The following CLIP2 variants were observed in gnomAD, a reference collection of about 807,000 sequenced individuals.
CLIP2 encodes CAP-Gly domain-containing linker protein 2.
CLIP2 carries 41 observed loss-of-function variants against 111.7 expected under a neutral mutation model. The ratio of observed to expected loss-of-function variants is 0.37; its 90% confidence interval spans 0.29 to 0.48. CLIP2 has a LOEUF of 0.48. CLIP2 is among the 20% of genes least tolerant of loss of function. CLIP2 has a pLI of 0.99. For missense variants in CLIP2, 1,160 were observed against 1,422.1 expected (o/e 0.82, Z 2.96); for synonymous variants, 660 against 644.2 (o/e 1.02, Z -0.37).
chr7:74,387,283 C>G (rs1791138627), intron 12 of CLIP2, among the ~76,000 whole-genome samples: 1 of 152,100 alleles, frequency 6.6e-6, no homozygotes, highest in Admixed American at 6.6e-5. Flanking sequence ...GGGTTGCACT[C>G]TGTCACCTAG....
chr7:74,397,657 GTTTTTTTTGTT>G (rs1283602297), intron 14 of CLIP2, among the ~76,000 whole-genome samples: 1 of 113,454 alleles, frequency 8.8e-6, no homozygotes, highest in African/African-American at 3.7e-5. Flanking sequence ...GGGTGGCTGA[GTTTTTTTTGTT>G]TTTTTTTTTT....
At chr7:74,388,215 C>T (rs782266637) in intron 12 of CLIP2, among the ~76,000 whole-genome samples, 1 of 151,972 alleles carries the variant, frequency 6.6e-6, no homozygotes, top group Non-Finnish European at 1.5e-5. Context: ...ACCTGTAGTC[C>T]CAGCTACTCA....
chr7:74,320,665 T>A (rs1788924161), intron 2 of CLIP2, among the ~76,000 whole-genome samples: 1 of 151,966 alleles, frequency 6.6e-6, no homozygotes, highest in South Asian at 2.1e-4. Flanking sequence ...GTGAGGAGGC[T>A]GTGGTTATCC....
At chr7:74,381,351 G>C (rs1790941321) in intron 11 of CLIP2, among the ~76,000 whole-genome samples, 1 of 152,060 alleles carries the variant, frequency 6.6e-6, no homozygotes, top group African/African-American at 2.4e-5. Context: ...ACCATGCCCA[G>C]CTAATTTTTG....
At chr7:74,314,213 G>C (rs1314531815) in intron 1 of CLIP2, among the ~76,000 whole-genome samples, 1 of 150,408 alleles carries the variant, frequency 6.6e-6, no homozygotes, top group Non-Finnish European at 1.5e-5. Flanking sequence ...AAAAGGGACC[G>C]GGTGCGGTGG....
At chr7:74,347,425 C>T (rs530086286) in intron 3 of CLIP2, among the ~76,000 whole-genome samples, 11 of 152,116 alleles carry the variant, frequency 7.2e-5, no homozygotes, top group South Asian at 6.2e-4. Context: ...CCCGCCACCA[C>T]GCCTGGCTAA....
intron 2 of CLIP2, among the ~76,000 whole-genome samples, chr7:74,332,460 C>CTTTTTTTTT (rs386410474): frequency 6.3e-5 from 7 of 110,324 alleles, no homozygotes; most frequent in South Asian, 3.1e-4. Flanking sequence ...CTAGAATTCT[C>CTTTTTTTTT]TTTTTTTTTT....
intron 11 of CLIP2, among the ~76,000 whole-genome samples, chr7:74,381,430 G>A (rs975454603): frequency 6.6e-6 from 1 of 152,060 alleles, no homozygotes; most frequent in South Asian, 2.1e-4. Flanking sequence ...TGCGTGATCC[G>A]CCCGCCTTGG....
intron 4 of CLIP2, among the ~76,000 whole-genome samples, chr7:74,355,783 G>A (rs1382625892): frequency 1.3e-5 from 2 of 152,224 alleles, no homozygotes; most frequent in Admixed American, 1.3e-4. Context: ...ATTCAGGGGT[G>A]GGTTGGACAG....
chr7:74,346,620 G>A (rs1789802676), intron 3 of CLIP2, among the ~76,000 whole-genome samples: 1 of 151,742 alleles, frequency 6.6e-6, no homozygotes, highest in African/African-American at 2.4e-5. Flanking sequence ...CTCCTCAGGT[G>A]GCTGAGTCAG....
chr7:74,341,914 G>C (rs1287574636), intron 3 of CLIP2, among the ~76,000 whole-genome samples: 3 of 152,200 alleles, frequency 2.0e-5, no homozygotes, highest in African/African-American at 7.2e-5. Context: ...TCCCTACAGA[G>C]TCTGCCAAGT....
chr7:74,352,962 C>T (rs1790048448), intron 3 of CLIP2, among the ~76,000 whole-genome samples: 1 of 151,548 alleles, frequency 6.6e-6, no homozygotes, highest in Non-Finnish European at 1.5e-5. Flanking sequence ...GCCTGGGCAA[C>T]ATAGCAAGAT....
At chr7:74,394,451 T>C (rs1791390544) in intron 13 of CLIP2, among the ~76,000 whole-genome samples, 1 of 152,100 alleles carries the variant, frequency 6.6e-6, no homozygotes, top group South Asian at 2.1e-4. Flanking sequence ...GGTTTCTCCA[T>C]GTTGGTCAGG....
At chr7:74,292,847 C>T (rs191162783) in intron 1 of CLIP2, among the ~76,000 whole-genome samples, 9 of 152,324 alleles carry the variant, frequency 5.9e-5, no homozygotes, top group Admixed American at 4.6e-4. Flanking sequence ...ATGCTTCCTT[C>T]GGCCACACCA....
chr7:74,401,764 C>G, intron 16 of CLIP2, 197 bp downstream of exon 16: 1 of 713,514 alleles, frequency 1.4e-6, no homozygotes, highest in Non-Finnish European at 2.5e-6. Flanking sequence ...GTGTTTTCTT[C>G]CCTTCTTAAA....
intron 13 of CLIP2, among the ~76,000 whole-genome samples, chr7:74,394,541 C>A (rs1178339932): frequency 6.6e-6 from 1 of 152,210 alleles, no homozygotes; most frequent in Non-Finnish European, 1.5e-5. Flanking sequence ...TGGGCCACCG[C>A]CCCGGGCCCA....
intron 3 of CLIP2, among the ~76,000 whole-genome samples, chr7:74,340,961 C>T (rs1554305270): frequency 6.6e-6 from 1 of 152,072 alleles, no homozygotes; most frequent in East Asian, 1.9e-4. Context: ...ATCCCCAAAG[C>T]ATATTGCTGC....
intron 2 of CLIP2, among the ~76,000 whole-genome samples, chr7:74,333,340 C>T (rs537236926): frequency 7.3e-5 from 11 of 151,128 alleles, no homozygotes; most frequent in Non-Finnish European, 1.6e-4. Context: ...CCTGCCACCA[C>T]GCCCAGCTAA....
At chr7:74,373,092 C>G in intron 9 of CLIP2, 56 bp downstream of exon 9, 1 of 1,011,642 alleles carries the variant, frequency 9.9e-7, no homozygotes, top group Non-Finnish European at 1.5e-6. Flanking sequence ...TTTGATGCCC[C>G]CTCTGGCTTC....
Sources: allele counts gnomAD v4.1 joint callset (sites outside exome capture counted in the v4.1 genomes callset), GRCh38; gene constraint gnomAD v4.1.1; transcripts MANE v1.5; gene names NCBI Gene and HGNC (gene_info 2026-07-23, HGNC 2026-07-21).